The following USP34 variants were observed in gnomAD, a reference collection of about 807,000 sequenced individuals.
USP34 encodes ubiquitin specific peptidase 34.
Under a neutral mutation model 460.3 loss-of-function variants are expected in USP34, and 70 were observed. The observed-to-expected ratio is 0.15, with a 90% CI of 0.13 to 0.19. The LOEUF (loss-of-function observed/expected upper bound fraction) is 0.19, where lower values mean the gene tolerates loss of function less well. Ranked by LOEUF, USP34 falls within the 10% of genes least tolerant of loss-of-function variation. The pLI is 1.00. For missense variants in USP34, 3,985 were observed against 4,236.2 expected, an observed-to-expected ratio of 0.94 and a Z score of 1.65; for synonymous variants, 1,647 against 1,405.3, an observed-to-expected ratio of 1.17 and a Z score of -3.85.
rs1335211120 is a variant in USP34 at position 61,326,803 on chromosome 2, C to T, written c.2931-1346G>A. On this transcript the variant is annotated intron_variant, in intron 20 of 79. Transcript: ENST00000398571. Reference sequence around the variant, plus strand: ...TTTTTTTTTTTTTTTTTTTTTTTGCCGAAACGGAGTTTCACACTCGCCCAG... The same window carrying T: ...TTTTTTTTTTTTTTTTTTTTTTTGCTGAAACGGAGTTTCACACTCGCCCAG... Among the ~76,000 whole-genome samples, 4 of 125,876 alleles carry T rather than the reference C, an allele frequency of 3.2e-5. No individual in the cohort carries two copies. In the East Asian group the frequency reaches 9.4e-4, roughly 30 times the overall value. The allele number at this position is 125,876 out of a possible 152,430, so 82.6% of individuals were successfully genotyped here. A position where few individuals can be genotyped will look rare whatever the true frequency, so the allele number is the denominator to read the frequency against.
chr2:61,336,808 T>G (rs1193998145), intron 18 of USP34, among the ~76,000 whole-genome samples: 1 of 52,212 alleles, frequency 1.9e-5, no homozygotes, highest in Non-Finnish European at 3.2e-5. Flanking sequence ...AGACTCCATC[T>G]CAAAAAAAAA....
Position 61,190,711 on chromosome 2 carries a change from T to G in USP34, c.9589-53A>C. ...CTTACGGTTGAGCACGGAAAAAACT[T>G]ACACGGAAAAAACTTACACAGAAAA... On this transcript the variant is annotated intron_variant, in intron 76 of 79. Transcript: ENST00000398571. The G allele has an allele frequency of 1.9e-6, 3 of 1,555,670 alleles. No individual in the cohort carries two copies. The South Asian group carries it at 3.6e-5, about 19-fold the overall frequency.
chr2:61,370,351 T>C lies in USP34; in HGVS notation c.1221A>G (p.Gln407=). The part of the protein sequence containing the change: ...FLAAEGRLST[Q]HIDCIWAAAQ... ...CTGCAGCCCAAATACAGTCAATATG[T>C]TGAGTACTCAGTCGCCCTTCTGCTG... is the stretch of plus-strand genomic sequence containing the variant. The change falls in exon 10 of 80, where the codon CAA becomes CAG. Residue 407 remains glutamine (Q), a synonymous_variant. Coordinates refer to ENST00000398571, the MANE Select transcript of USP34 (RefSeq NM_014709.4). 2 of 1,614,118 alleles carry C rather than the reference T, an allele frequency of 1.2e-6. No individual in the cohort carries two copies. The highest frequency in any genetic ancestry group is 1.7e-6 in the Non-Finnish European group (2 of 1,179,978).
rs575997847 is a variant in USP34, at chr2:61,204,305, C to G, written c.9335G>C (p.Arg3112Pro). The change falls in exon 74 of 80, where the codon CGC (arginine) becomes CCC (proline). Residue 3112 changes from arginine (R) to proline (P), a missense_variant. This residue lies in a region of USP34 where 275 missense variants were observed against 292.7 expected (regional missense o/e 0.94). Coordinates refer to ENST00000398571, the MANE Select transcript of USP34 (RefSeq NM_014709.4). The stretch of plus-strand genomic sequence containing the variant: ...CAAGAGGCACATATTGAGTTCAGGG[C>G]GCGGAGGCCGAATATTGCTTTTCCC... ...IGGKSNIRPPRPELNMCLLPT... is the reference protein window; with the variant it reads ...IGGKSNIRPPPPELNMCLLPT... 3 of 1,614,134 alleles carry G rather than the reference C, an allele frequency of 1.9e-6. No individual in the cohort carries two copies. Among genetic ancestry groups the G allele is most frequent in the Non-Finnish European group, 2.5e-6 (3 of 1,180,030 alleles).
At chr2:61,280,642 T>C (rs527575001) in intron 38 of USP34, among the ~76,000 whole-genome samples, 11 of 152,288 alleles carry the variant, frequency 7.2e-5, no homozygotes, top group African/African-American at 2.2e-4. Context: ...TTTCTGGGGT[T>C]AGTAAAAAGT....
intron 51 of USP34, among the ~76,000 whole-genome samples, chr2:61,244,377 G>C (rs1688363715): frequency 6.6e-6 from 1 of 152,164 alleles, no homozygotes; most frequent in Non-Finnish European, 1.5e-5. Context: ...GCACTTCGGA[G>C]GCTGCAGTAG....
intron 75 of USP34, chr2:61,200,429 CTTA>C (rs918644122): frequency 6.6e-6 from 1 of 152,316 alleles, no homozygotes; most frequent in Non-Finnish European, 1.5e-5. Context: ...AACCCTCTCG[CTTA>C]TTATTTAGTA....
chr2:61,334,502 G>A (rs1184182402), intron 18 of USP34, among the ~76,000 whole-genome samples: 2 of 152,140 alleles, frequency 1.3e-5, no homozygotes, highest in Non-Finnish European at 2.9e-5. Context: ...AGGAAAGGAG[G>A]TTGGCTGCAT....
In USP34 at chr2:61,283,384, A is replaced by G. The variant is rs746383269; in HGVS notation, c.4873+25T>C. 5 of 1,591,966 alleles carry G rather than the reference A, an allele frequency of 3.1e-6. No individual in the cohort carries two copies. The African/African-American group carries it at 5.4e-5, about 17-fold the overall frequency. Reference sequence around the variant, plus strand: ...ATATTATTCAAGTTTTTATTTATTAAAAGTTAACTTTGTGGAACCCTTACC... The same window carrying G: ...ATATTATTCAAGTTTTTATTTATTAGAAGTTAACTTTGTGGAACCCTTACC... On this transcript the variant is annotated intron_variant, in intron 36 of 79. Coordinates refer to ENST00000398571, the MANE Select transcript of USP34 (RefSeq NM_014709.4).
intron 15 of USP34, among the ~76,000 whole-genome samples, chr2:61,345,039 G>T (rs941821603): frequency 6.6e-6 from 1 of 152,136 alleles, no homozygotes; most frequent in Non-Finnish European, 1.5e-5. Context: ...TTGGGAGGCC[G>T]AGGCAGGCGG....
In USP34 at chr2:61,204,369, G is replaced by A; in HGVS notation, c.9271C>T (p.Pro3091Ser). 1 of 1,614,106 alleles carries A rather than the reference G, an allele frequency of 6.2e-7. No homozygotes were observed. Among genetic ancestry groups the A allele is most frequent in the Non-Finnish European group, 8.5e-7 (1 of 1,180,010 alleles). Residue 3091 changes from proline (P) to serine (S), a missense_variant, in exon 74 of 80, where the codon CCT (proline) becomes TCT (serine). This residue lies in a region of USP34 where 275 missense variants were observed against 292.7 expected (regional missense o/e 0.94). Coordinates refer to ENST00000398571, the MANE Select transcript of USP34 (RefSeq NM_014709.4). ...ATATTTTCTCGACAAGGGAAATAAG[G>A]TCCAAGAGACACTAAGATATTAAAA... ...HHSNIPMSLG[P>S]YFPCRENIKL...
Position 61,401,149 on chromosome 2 carries a change from C to CAAA in USP34, c.552+4556_552+4558dup, listed in dbSNP as rs60805364. ...CTGGTGACCAAGCAAGACTCTGTCTCAAAAAAAAAAAAAAAAAAAATTAAA... is the reference window on the plus strand; with the variant it reads ...CTGGTGACCAAGCAAGACTCTGTCTCAAAAAAAAAAAAAAAAAAAAAAATTAAA... On this transcript the variant is annotated intron_variant, in intron 3 of 79. Transcript: ENST00000398571. 3.5e-3 allele frequency among the ~76,000 whole-genome samples: 365 copies of CAAA among 104,696 alleles called. 6 individuals are homozygous for CAAA. Among genetic ancestry groups the CAAA allele is most frequent in the East Asian group, 0.019 (72 of 3,738 alleles). 68.7% of individuals were successfully genotyped at this position (104,696 alleles called of 152,430 possible). A position where few individuals can be genotyped will look rare whatever the true frequency, so the allele number is the denominator to read the frequency against.
intron 8 of USP34, among the ~76,000 whole-genome samples, chr2:61,370,820 C>T (rs1692600282): frequency 6.6e-6 from 1 of 152,144 alleles, no homozygotes; most frequent in Non-Finnish European, 1.5e-5. Flanking sequence ...ACGATTAACA[C>T]CAAGTACACA....
At chr2:61,286,728 A>G (rs1055077822) in intron 34 of USP34, among the ~76,000 whole-genome samples, 2 of 152,214 alleles carry the variant, frequency 1.3e-5, no homozygotes, top group African/African-American at 4.8e-5. Flanking sequence ...AGATATTAAG[A>G]GTAGTCACCT....
intron 35 of USP34, among the ~76,000 whole-genome samples, chr2:61,283,958 A>G (rs1040240205): frequency 6.6e-5 from 10 of 152,098 alleles, no homozygotes; most frequent in Non-Finnish European, 8.8e-5. Flanking sequence ...GGCAGAGGGT[A>G]TAAGTCAAAG....
intron 33 of USP34, 95 bp downstream of exon 33, chr2:61,293,369 G>T: frequency 2.3e-6 from 2 of 853,078 alleles, no homozygotes; most frequent in Admixed American, 2.5e-5. Flanking sequence ...TTATTATAAG[G>T]AACTATATGG....
In USP34 at chr2:61,344,025, T is replaced by C. The variant is rs751570398; in HGVS notation, c.2290A>G (p.Met764Val). Residue 764 changes from methionine (M) to valine (V), a missense_variant, in exon 16 of 80, where the codon ATG becomes GTG. By Grantham distance (21) the Met-to-Val change is conservative. Around this residue, in one of 14 missense-constraint regions of USP34, gnomAD observed 716 missense variants for 626.2 expected, o/e 1.14. Coordinates refer to ENST00000398571, the MANE Select transcript of USP34 (RefSeq NM_014709.4). Reference sequence around the variant, plus strand: ...TCTGCACTTAGCATATCATCAACCATATGCCTACAAAACAGAGAAAAGCAC... The same window carrying C: ...TCTGCACTTAGCATATCATCAACCACATGCCTACAAAACAGAGAAAAGCAC... ...HHHHHHHDGH[M>V]VDDMLSADDV... 5.0e-6 allele frequency: 8 copies of C among 1,613,452 alleles called. No individual in the cohort carries two copies. The highest frequency in any genetic ancestry group is 1.1e-5 in the South Asian group (1 of 90,998).
At chr2:61,313,733 C>A (rs534810271) in intron 25 of USP34, among the ~76,000 whole-genome samples, 1 of 152,016 alleles carries the variant, frequency 6.6e-6, no homozygotes, top group Non-Finnish European at 1.5e-5. Context: ...CCATGAATTG[C>A]AATCTTAAAG....
chr2:61,459,223 A>G (rs760253078), intron 1 of USP34, among the ~76,000 whole-genome samples: 2 of 152,206 alleles, frequency 1.3e-5, no homozygotes, highest in Admixed American at 6.5e-5. Context: ...TGGTTAGTGA[A>G]AAGTACAGAG....
Sources: allele counts gnomAD v4.1 joint callset (sites outside exome capture counted in the v4.1 genomes callset), GRCh38; gene constraint gnomAD v4.1.1; regional missense constraint gnomAD v4.1.1; transcripts MANE v1.5; gene names NCBI Gene and HGNC (gene_info 2026-07-23, HGNC 2026-07-21).